The following ASCC3 variants were observed in gnomAD, a reference collection of about 807,000 sequenced individuals.
ASCC3 encodes the protein ASC-1 complex subunit P200.
A neutral mutation model predicts 256.3 loss-of-function variants in ASCC3; 158 were observed. The ratio of observed to expected loss-of-function variants is 0.62; its 90% CI spans 0.54 to 0.70. The LOEUF is 0.70. Among genes scored for constraint, ASCC3 ranks in the 30% least tolerant of loss-of-function variants. The pLI is 0.00. For synonymous variants in ASCC3, 948 were observed against 883.4 expected (o/e 1.07, Z -1.30); for missense variants, 2,259 against 2,626.0 (o/e 0.86, Z 3.05).
chr6:100,537,848 G>T (rs569815280), intron 37 of ASCC3, among the ~76,000 whole-genome samples: 1 of 150,416 alleles, frequency 6.6e-6, no homozygotes, highest in South Asian at 2.1e-4. Context: ...CAATATTTAA[G>T]AAATATAAAT....
intron 36 of ASCC3, among the ~76,000 whole-genome samples, chr6:100,541,591 A>G (rs955334540): frequency 2.1e-4 from 32 of 152,182 alleles, no homozygotes; most frequent in Non-Finnish European, 7.3e-5. Flanking sequence ...GCAACACCTA[A>G]AAGGATCAAA....
chr6:100,687,332 C>T (rs545357119), intron 13 of ASCC3, among the ~76,000 whole-genome samples: 14 of 152,024 alleles, frequency 9.2e-5, no homozygotes, highest in African/African-American at 3.4e-4. Context: ...TATCGTTTGT[C>T]TTACCCATTG....
In ASCC3 at chr6:100,528,838, G is replaced by A. The variant is rs1428013701; in HGVS notation, c.5776-10696C>T. On this transcript the variant is annotated intron_variant, in intron 37 of 41. Coordinates refer to ENST00000369162, the MANE Select transcript of ASCC3 (RefSeq NM_006828.4). ...TGCTGGCTACTTCCATTAGGGCAAT[G>A]GAATATGAATTCAATCTATACTAAC... Among the ~76,000 whole-genome samples the A allele has an allele frequency of 2.0e-5, 3 of 152,102 alleles. No homozygotes were observed. In the East Asian group the frequency reaches 5.8e-4, roughly 29 times the overall value.
At chr6:100,806,416 C>T (rs1013069709) in intron 4 of ASCC3, among the ~76,000 whole-genome samples, 13 of 151,794 alleles carry the variant, frequency 8.6e-5, no homozygotes, top group African/African-American at 2.4e-4. Context: ...TGAAAATTTC[C>T]GAAGCATATC....
intron 14 of ASCC3, among the ~76,000 whole-genome samples, chr6:100,675,935 CATTT>C (rs1036188645): frequency 3.9e-5 from 6 of 152,092 alleles, no homozygotes; most frequent in African/African-American, 1.4e-4. Flanking sequence ...CTGAAGGATT[CATTT>C]AACTTAAAAT....
At chr6:100,782,086 C>A (rs535530319) in intron 8 of ASCC3, among the ~76,000 whole-genome samples, 1 of 152,098 alleles carries the variant, frequency 6.6e-6, no homozygotes, top group South Asian at 2.1e-4. Context: ...GTTTGACCTG[C>A]AAAAGAATTA....
intron 37 of ASCC3, among the ~76,000 whole-genome samples, chr6:100,537,580 A>G (rs1339748991): frequency 6.6e-6 from 1 of 152,176 alleles, no homozygotes; most frequent in Non-Finnish European, 1.5e-5. Context: ...GGTAAAATGT[A>G]CAAGAAAATT....
intron 29 of ASCC3, 88 bp from the exon 30 acceptor site, chr6:100,625,422 C>A: frequency 6.8e-7 from 1 of 1,460,300 alleles, no homozygotes; most frequent in Non-Finnish European, 9.6e-7. Context: ...TACATGAAAA[C>A]TAATGATGTA....
chr6:100,839,387 T>A (rs978795287), intron 4 of ASCC3, among the ~76,000 whole-genome samples: 3 of 152,176 alleles, frequency 2.0e-5, no homozygotes, highest in Non-Finnish European at 4.4e-5. Flanking sequence ...CTTGTCTTAC[T>A]CCTTGAGCAA....
chr6:100,832,093 T>C (rs1182727101), intron 4 of ASCC3, among the ~76,000 whole-genome samples: 2 of 152,096 alleles, frequency 1.3e-5, no homozygotes, highest in Non-Finnish European at 2.9e-5. Flanking sequence ...ATATCTCTGA[T>C]AGGATTTTTG....
intron 36 of ASCC3, among the ~76,000 whole-genome samples, chr6:100,587,599 G>A (rs1425647173): frequency 6.6e-6 from 1 of 152,180 alleles, no homozygotes; most frequent in Non-Finnish European, 1.5e-5. Flanking sequence ...AACACCATGG[G>A]AGAAGAAGAT....
intron 36 of ASCC3, among the ~76,000 whole-genome samples, chr6:100,553,643 G>A (rs1007593209): frequency 9.9e-5 from 15 of 151,982 alleles, no homozygotes; most frequent in African/African-American, 2.9e-4. Flanking sequence ...GACAGTGATC[G>A]ACAACCTATG....
intron 33 of ASCC3, among the ~76,000 whole-genome samples, chr6:100,603,687 T>G (rs1316833805): frequency 6.6e-6 from 1 of 152,144 alleles, no homozygotes; most frequent in Non-Finnish European, 1.5e-5. Flanking sequence ...TTTTTTTACA[T>G]CTATGAAATG....
At chr6:100,796,624 T>C (rs935060355) in intron 8 of ASCC3, among the ~76,000 whole-genome samples, 1 of 152,102 alleles carries the variant, frequency 6.6e-6, no homozygotes, top group Non-Finnish European at 1.5e-5. Context: ...GAAGAGGCTA[T>C]GTGCAAACAC....
intron 29 of ASCC3, among the ~76,000 whole-genome samples, chr6:100,625,903 T>TG (rs1242623597): frequency 6.6e-6 from 1 of 150,404 alleles, no homozygotes; most frequent in African/African-American, 2.5e-5. Context: ...TTTCCCTCCA[T>TG]TTTTTTTTAA....
At chr6:100,859,203 C>G (rs1773105791) in intron 3 of ASCC3, 1 of 779,770 alleles carries the variant, frequency 1.3e-6, no homozygotes. Context: ...CAATTCACTT[C>G]TAGGAAAAAG....
chr6:100,638,410 T>C (rs560691034), intron 25 of ASCC3, among the ~76,000 whole-genome samples, 191 bp downstream of exon 25: 1 of 152,358 alleles, frequency 6.6e-6, no homozygotes, highest in East Asian at 1.9e-4. Context: ...TGACATTCAC[T>C]ATATTGTGGT....
intron 8 of ASCC3, among the ~76,000 whole-genome samples, chr6:100,782,331 G>A (rs1335648334): frequency 6.6e-6 from 1 of 152,088 alleles, no homozygotes; most frequent in Non-Finnish European, 1.5e-5. Flanking sequence ...TGAAAATTTT[G>A]TTTTAATTGT....
At chr6:100,697,556 A>G (rs373478913) in intron 13 of ASCC3, among the ~76,000 whole-genome samples, 2 of 150,010 alleles carry the variant, frequency 1.3e-5, no homozygotes, top group Non-Finnish European at 3.0e-5. Context: ...AAAAAAAAAA[A>G]CATTTTCAAG....
Sources: gnomAD v4.1 joint callset for allele counts (sites outside exome capture counted in the v4.1 genomes callset) on GRCh38, gnomAD v4.1.1 for gene constraint, MANE v1.5 for transcripts, NCBI Gene and HGNC (gene_info 2026-07-23, HGNC 2026-07-21) for gene names.